MAST4: variants seen among roughly 807,000 people sequenced by gnomAD.
MAST4 encodes the protein microtubule-associated serine/threonine-protein kinase 4.
In MAST4, 89 loss-of-function variants were observed where a neutral mutation model predicts 162.7. That is an observed-to-expected ratio of 0.55 (90% CI 0.46 to 0.65). The LOEUF is 0.65. Ranked by LOEUF, MAST4 falls within the 30% of genes least tolerant of loss-of-function variation. The pLI, the probability that MAST4 is intolerant of heterozygous loss-of-function variation, is 0.00. For missense variants in MAST4, 3,153 were observed against 3,374.0 expected (o/e 0.93, Z 1.62); for synonymous variants, 1,479 against 1,361.1 (o/e 1.09, Z -1.91).
intron 22 of MAST4, 136 bp downstream of exon 22, chr5:67,144,932 A>G (rs1370328923): frequency 1.7e-6 from 2 of 1,163,854 alleles, no homozygotes; most frequent in African/African-American, 1.6e-5. Flanking sequence ...CATCCAGTAG[A>G]TCTAGGGTAG....
chr5:66,920,500 A>C (rs1580879856), intron 4 of MAST4, among the ~76,000 whole-genome samples: 2 of 152,320 alleles, frequency 1.3e-5, no homozygotes, highest in Admixed American at 1.3e-4. Flanking sequence ...ACTTGCATTT[A>C]AGTGTTATTA....
chr5:66,621,617 A>T (rs917801269), intron 1 of MAST4, among the ~76,000 whole-genome samples: 4 of 151,486 alleles, frequency 2.6e-5, no homozygotes, highest in East Asian at 1.9e-4. Flanking sequence ...AAAAATGGTT[A>T]AAAAAAGTCA....
At chr5:66,820,248 T>A (rs1025901969) in intron 3 of MAST4, among the ~76,000 whole-genome samples, 4 of 152,204 alleles carry the variant, frequency 2.6e-5, no homozygotes, top group African/African-American at 9.7e-5. Context: ...TATCTCTAGG[T>A]ATATCTTTTC....
intron 3 of MAST4, among the ~76,000 whole-genome samples, chr5:66,807,887 G>T (rs945257764): frequency 5.3e-5 from 8 of 152,166 alleles, no homozygotes; most frequent in African/African-American, 1.9e-4. Context: ...TATCAAAGCC[G>T]ATATTCCTGG....
intron 2 of MAST4, among the ~76,000 whole-genome samples, chr5:66,782,255 C>T (rs1754908534): frequency 6.7e-6 from 1 of 150,160 alleles, no homozygotes; most frequent in Non-Finnish European, 1.5e-5. Context: ...TGCCACTGCA[C>T]TCCAGCCTGG....
At chr5:66,917,661 T>C (rs1043102633) in intron 4 of MAST4, among the ~76,000 whole-genome samples, 1 of 151,964 alleles carries the variant, frequency 6.6e-6, no homozygotes, top group Non-Finnish European at 1.5e-5. Context: ...AAAATTTATT[T>C]TTCATGGGAT....
At position 66,679,747 on chromosome 5, in the gene MAST4, C is replaced by T. The variant is rs373365811; in HGVS notation, c.364-79962C>T. Reference sequence around the variant, plus strand: ...GGCTCTCCAGTTGGGGAGGCACTTACCTCTGTATTCTGAGCATATATGCTT... The same window carrying T: ...GGCTCTCCAGTTGGGGAGGCACTTATCTCTGTATTCTGAGCATATATGCTT... On this transcript the variant is annotated intron_variant, in intron 1 of 28. Transcript: ENST00000403625. Among the ~76,000 whole-genome samples the T allele has an allele frequency of 4.6e-5, 7 of 152,092 alleles. No individual in the cohort carries two copies. In the East Asian group the frequency reaches 1.4e-3, roughly 30 times the overall value.
intron 4 of MAST4, among the ~76,000 whole-genome samples, chr5:67,018,224 G>A (rs559570294): frequency 6.6e-6 from 1 of 152,220 alleles, no homozygotes; most frequent in East Asian, 1.9e-4. Flanking sequence ...AAATTGTGTG[G>A]TCTACTGTTA....
In MAST4 at chr5:66,788,601, C is replaced by G. The variant is rs1755227572; in HGVS notation, c.518-69C>G. ...TGGCCAGGAAGAGACACCCCACCCC[C>G]ACCCCCATTGCAATAAGACTACTAC... On this transcript the variant is annotated intron_variant, in intron 2 of 28. Coordinates refer to ENST00000403625, the MANE Select transcript of MAST4 (RefSeq NM_001164664.2). 3.4e-6 allele frequency: 4 copies of G among 1,179,444 alleles called. No homozygotes were observed. In the Admixed American group the frequency reaches 5.8e-5, roughly 17 times the overall value. The allele number at this position is 1,179,444 out of a possible 1,614,324, so 73.1% of individuals were successfully genotyped here.
intron 1 of MAST4, among the ~76,000 whole-genome samples, chr5:66,703,751 G>A (rs1220414950): frequency 2.6e-5 from 4 of 152,122 alleles, no homozygotes; most frequent in South Asian, 2.1e-4. Context: ...TCCAAGGTTC[G>A]GAAATAGTCA....
intron 5 of MAST4, among the ~76,000 whole-genome samples, chr5:67,066,150 T>A (rs1390714903): frequency 6.6e-6 from 1 of 152,162 alleles, no homozygotes; most frequent in African/African-American, 2.4e-5. Flanking sequence ...TAGATGTTTT[T>A]AAAAATATGT....
At chr5:67,023,246 A>ATGTG (rs1415603242) in intron 4 of MAST4, among the ~76,000 whole-genome samples, 31 of 152,262 alleles carry the variant, frequency 2.0e-4, no homozygotes, top group African/African-American at 6.7e-4. Context: ...TTAAGCTATG[A>ATGTG]CTTCAGTTTC....
At chr5:67,072,974 T>C (rs1761156271) in intron 5 of MAST4, among the ~76,000 whole-genome samples, 1 of 152,230 alleles carries the variant, frequency 6.6e-6, no homozygotes, top group Non-Finnish European at 1.5e-5. Flanking sequence ...TTTCCCCAAA[T>C]TATAGTTGTG....
chr5:66,770,018 C>G (rs778979371), intron 2 of MAST4, among the ~76,000 whole-genome samples: 1 of 152,172 alleles, frequency 6.6e-6, no homozygotes, highest in Non-Finnish European at 1.5e-5. Context: ...GACAAGAATT[C>G]TCTTGAGTCG....
chr5:66,681,983 C>A (rs1482165965), intron 1 of MAST4, among the ~76,000 whole-genome samples: 1 of 152,150 alleles, frequency 6.6e-6, no homozygotes, highest in Non-Finnish European at 1.5e-5. Context: ...CCAGAGAAGG[C>A]AGGAGGACAG....
chr5:67,154,598 A>T (rs1361964342), intron 26 of MAST4, among the ~76,000 whole-genome samples: 3 of 152,178 alleles, frequency 2.0e-5, no homozygotes, highest in Admixed American at 6.5e-5. Flanking sequence ...TCTTGCCCTC[A>T]TCTGGCTACG....
intron 1 of MAST4, among the ~76,000 whole-genome samples, chr5:66,731,421 C>G (rs1751850941): frequency 6.8e-6 from 1 of 147,588 alleles, no homozygotes; most frequent in Admixed American, 6.6e-5. Context: ...GGCAACCTAT[C>G]AATTTTTCTT....
At chr5:66,918,253 G>T (rs1764248264) in intron 4 of MAST4, among the ~76,000 whole-genome samples, 1 of 152,058 alleles carries the variant, frequency 6.6e-6, no homozygotes, top group Non-Finnish European at 1.5e-5. Context: ...GTCTGTTTAT[G>T]TACCAAATTA....
At chr5:66,722,881 G>A (rs1192019820) in intron 1 of MAST4, among the ~76,000 whole-genome samples, 3 of 152,196 alleles carry the variant, frequency 2.0e-5, no homozygotes, top group Non-Finnish European at 2.9e-5. Flanking sequence ...CTAAGGCGGA[G>A]AACGGGACAC....
Sources: allele counts gnomAD v4.1 joint callset (sites outside exome capture counted in the v4.1 genomes callset), GRCh38; gene constraint gnomAD v4.1.1; transcripts MANE v1.5; gene names NCBI Gene and HGNC (gene_info 2026-07-23, HGNC 2026-07-21).